Variants in ARHGAP11B observed in about 807,000 individuals in gnomAD.
ARHGAP11B encodes Rho GTPase activating protein 11B, also known as inactive Rho GTPase-activating protein 11B.
ARHGAP11B carries 14 observed loss-of-function variants against 27.6 expected under a neutral mutation model. That is an observed-to-expected ratio of 0.51 (90% CI 0.34 to 0.79). The LOEUF is 0.79. Among genes scored for constraint, ARHGAP11B ranks in the 30% least tolerant of loss-of-function variants. ARHGAP11B has a pLI of 0.02. For missense variants in ARHGAP11B, 245 were observed against 320.1 expected, an observed-to-expected ratio of 0.77 and a Z score of 1.79; for synonymous variants, 82 against 114.1, an observed-to-expected ratio of 0.72 and a Z score of 1.80.
chr15:30,636,724 G>T (rs550203463), intron 6 of ARHGAP11B, among the ~76,000 whole-genome samples: 22 of 152,240 alleles, frequency 1.4e-4, no homozygotes, highest in African/African-American at 5.3e-4. Context: ...CCTGAAACCT[G>T]CAGGGGAGAA....
At chr15:30,645,134 G>A (rs2060339104) in intron 8 of ARHGAP11B, among the ~76,000 whole-genome samples, 3 of 151,940 alleles carry the variant, frequency 2.0e-5, no homozygotes, top group Non-Finnish European at 1.5e-5. Context: ...AGATGGTGTG[G>A]GAGTGGAGAT....
chr15:30,629,432 T>C (rs2060230447), intron 1 of ARHGAP11B, among the ~76,000 whole-genome samples: 1 of 151,974 alleles, frequency 6.6e-6, no homozygotes, highest in South Asian at 2.1e-4. Flanking sequence ...CGGGCGCCTG[T>C]AGTCCCAGCT....
At chr15:30,633,420 C>T (rs2060257919) in intron 2 of ARHGAP11B, 70 bp from the exon 3 acceptor site, 4 of 1,395,850 alleles carry the variant, frequency 2.9e-6, no homozygotes, top group Non-Finnish European at 4.0e-6. Context: ...GCTTGGCCTG[C>T]TCATGTATGT....
At position 30,643,704 on chromosome 15, in the gene ARHGAP11B, A is replaced by C. The variant is rs990891337; in HGVS notation, c.*79-935A>C. On this transcript the variant is annotated intron_variant, in intron 7 of 10. Transcript: ENST00000428041. Reference sequence around the variant, plus strand: ...GTTTGTCTAAGGGTTTCTCATGATTAGAATGAGATTATGAATTTGGATTAT... The same window carrying C: ...GTTTGTCTAAGGGTTTCTCATGATTCGAATGAGATTATGAATTTGGATTAT... Among the ~76,000 whole-genome samples, 7 of 152,126 alleles carry C rather than the reference A, an allele frequency of 4.6e-5. 1 individual carries two copies. Among genetic ancestry groups the C allele is most frequent in the South Asian group, 2.1e-4 (1 of 4,832 alleles).
chr15:30,630,238 C>T (rs2060235753), intron 1 of ARHGAP11B, among the ~76,000 whole-genome samples: 1 of 152,016 alleles, frequency 6.6e-6, no homozygotes, highest in Non-Finnish European at 1.5e-5. Context: ...CAATGAATGA[C>T]AGGAATTAGT....
At chr15:30,634,978 T>C (rs2060269727) in intron 4 of ARHGAP11B, 102 bp from the exon 5 acceptor site, 1 of 1,332,434 alleles carries the variant, frequency 7.5e-7, no homozygotes, top group Admixed American at 1.9e-5. Flanking sequence ...TTGACTTGTG[T>C]ATGACTGATA....
At chr15:30,636,611 G>A (rs1035322115) in intron 6 of ARHGAP11B, among the ~76,000 whole-genome samples, 1 of 151,982 alleles carries the variant, frequency 6.6e-6, no homozygotes, top group African/African-American at 2.4e-5. Flanking sequence ...ATTTTCCTAG[G>A]GCTACTGTAG....
rs180908994 is a variant in ARHGAP11B, at chr15:30,630,888, T to C, written c.200+115T>C. 1,855 of 1,563,084 alleles carry C rather than the reference T, an allele frequency of 1.2e-3. 24 individuals carry two copies. In the African/African-American group the frequency reaches 0.022, roughly 18 times the overall value. ...TGAGTCCGGGAGCTTAAGACCAGCCTGGGCAACATGGTGAGACCTTGTCGC... is the reference window on the plus strand; with the variant it reads ...TGAGTCCGGGAGCTTAAGACCAGCCCGGGCAACATGGTGAGACCTTGTCGC... On this transcript the variant is annotated intron_variant, in intron 2 of 10. Coordinates refer to ENST00000428041, the Ensembl canonical transcript of ARHGAP11B.
intron 1 of ARHGAP11B, among the ~76,000 whole-genome samples, chr15:30,629,734 A>G (rs756550529): frequency 2.0e-5 from 3 of 152,070 alleles, no homozygotes; most frequent in Non-Finnish European, 2.9e-5. Flanking sequence ...TTTTATTGTA[A>G]AGTTAAATAT....
At chr15:30,637,100 A>C (rs1012684237) in intron 6 of ARHGAP11B, among the ~76,000 whole-genome samples, 2 of 151,834 alleles carry the variant, frequency 1.3e-5, no homozygotes, top group Non-Finnish European at 2.9e-5. Flanking sequence ...TTCAGTTATC[A>C]CCAGTCCTGT....
At chr15:30,628,203 C>T (rs982240893) in intron 1 of ARHGAP11B, among the ~76,000 whole-genome samples, 5 of 151,756 alleles carry the variant, frequency 3.3e-5, no homozygotes, top group Non-Finnish European at 5.9e-5. Context: ...GCCTCAGCTT[C>T]CCGAGTAGCT....
At chr15:30,644,558 A>T in intron 7 of ARHGAP11B, 1 of 780,674 alleles carries the variant, frequency 1.3e-6, no homozygotes. Flanking sequence ...TCATTGATTT[A>T]TTATCTGATA....
chr15:30,628,767 A>G (rs951525103), intron 1 of ARHGAP11B, among the ~76,000 whole-genome samples: 10 of 152,080 alleles, frequency 6.6e-5, no homozygotes, highest in Non-Finnish European at 1.3e-4. Flanking sequence ...TTTGAAAACA[A>G]TTTCTTTAGC....
chr15:30,634,720 T>G (rs927587458), intron 4 of ARHGAP11B, among the ~76,000 whole-genome samples: 1 of 151,592 alleles, frequency 6.6e-6, no homozygotes, highest in African/African-American at 2.4e-5. Flanking sequence ...GTTTTGCTTT[T>G]CAAAATTTCC....
At chr15:30,639,372 A>C (rs1455424012) in intron 7 of ARHGAP11B, among the ~76,000 whole-genome samples, 1 of 151,478 alleles carries the variant, frequency 6.6e-6, no homozygotes, top group Non-Finnish European at 1.5e-5. Context: ...TGCATCTTTT[A>C]GTCTGTTAGA....
At chr15:30,633,439 G>C (rs1289062585) in intron 2 of ARHGAP11B, 51 bp from the exon 3 acceptor site, 1 of 1,512,670 alleles carries the variant, frequency 6.6e-7, no homozygotes, top group Admixed American at 1.7e-5. Flanking sequence ...GTTAGCAGAG[G>C]AATAGGATGT....
Position 30,626,954 on chromosome 15 carries a change from G to C in ARHGAP11B, c.129+5G>C. The C allele has an allele frequency of 6.2e-7, 1 of 1,612,658 alleles. No individual in the cohort carries two copies. The highest frequency in any genetic ancestry group is 8.5e-7 in the Non-Finnish European group (1 of 1,179,460). On this transcript the variant is annotated splice_donor_5th_base_variant and intron_variant, in intron 1 of 10. Coordinates refer to ENST00000428041, the Ensembl canonical transcript of ARHGAP11B. ...ACAGCAGCCACGGAAATAGGGGTAA[G>C]TTCTGTGAAAAGGGATTTAGGTTTA...
At chr15:30,633,423 A>T in intron 2 of ARHGAP11B, 67 bp from the exon 3 acceptor site, 1 of 1,418,168 alleles carries the variant, frequency 7.1e-7, no homozygotes, top group South Asian at 1.2e-5. Context: ...TGGCCTGCTC[A>T]TGTATGTTAG....
intron 8 of ARHGAP11B, among the ~76,000 whole-genome samples, chr15:30,645,728 T>A (rs190602859): frequency 6.6e-6 from 1 of 152,094 alleles, no homozygotes; most frequent in Non-Finnish European, 1.5e-5. Flanking sequence ...TTATTGGAAC[T>A]TTTTAATAAC....
Sources: allele counts gnomAD v4.1 joint callset (sites outside exome capture counted in the v4.1 genomes callset), GRCh38; gene constraint gnomAD v4.1.1; transcripts MANE v1.5; gene names NCBI Gene and HGNC (gene_info 2026-07-23, HGNC 2026-07-21).